The following NLGN1 variants were observed in gnomAD, a reference collection of about 807,000 sequenced individuals.
NLGN1 encodes the protein neuroligin 1.
Under a neutral mutation model 65.5 loss-of-function variants are expected in NLGN1, and 12 were observed. The observed-to-expected ratio is 0.18, with a 90% confidence interval of 0.12 to 0.30. NLGN1 has a LOEUF of 0.30. Ranked by LOEUF, NLGN1 falls within the 10% of genes least tolerant of loss-of-function variation. The pLI, the probability that NLGN1 is intolerant of heterozygous loss-of-function variation, is 1.00. For synonymous variants in NLGN1, 350 were observed against 359.5 expected (o/e 0.97, Z 0.30); for missense variants, 750 against 1,007.1 (o/e 0.74, Z 3.46).
intron 3 of NLGN1, among the ~76,000 whole-genome samples, chr3:173,711,033 T>C (rs990556351): frequency 2.0e-5 from 3 of 152,096 alleles, no homozygotes; most frequent in African/African-American, 7.2e-5. Flanking sequence ...TTATTACACA[T>C]ATTTATTTAT....
chr3:173,722,445 G>T (rs1236613341), intron 3 of NLGN1, among the ~76,000 whole-genome samples: 1 of 152,012 alleles, frequency 6.6e-6, no homozygotes, highest in Non-Finnish European at 1.5e-5. Flanking sequence ...GTTTCACCAT[G>T]TTGGCCAGCT....
intron 4 of NLGN1, 52 bp downstream of exon 4, chr3:173,807,884 G>A: frequency 1.3e-6 from 2 of 1,564,622 alleles, no homozygotes; most frequent in Non-Finnish European, 1.8e-6. Flanking sequence ...AGTATGTGAT[G>A]GTTTTGTTTT....
chr3:173,587,421 T>C (rs1384100380), intron 2 of NLGN1, among the ~76,000 whole-genome samples: 1 of 152,126 alleles, frequency 6.6e-6, no homozygotes, highest in Non-Finnish European at 1.5e-5. Flanking sequence ...TATACAAAAC[T>C]ACACACCAAA....
intron 2 of NLGN1, among the ~76,000 whole-genome samples, chr3:173,586,387 C>T (rs1347029837): frequency 6.6e-6 from 1 of 152,152 alleles, no homozygotes; most frequent in African/African-American, 2.4e-5. Flanking sequence ...GAAGCACACT[C>T]ATTCTCTAGT....
rs554245713 is a variant in NLGN1, at chr3:173,921,555, T to A, written c.646+113723T>A. Among the ~76,000 whole-genome samples the A allele has an allele frequency of 2.6e-5, 4 of 152,052 alleles. No homozygotes were observed. The South Asian group carries it at 8.3e-4, about 32-fold the overall frequency. On this transcript the variant is annotated intron_variant, in intron 4 of 6. Coordinates refer to ENST00000457714, the Ensembl canonical transcript of NLGN1. ...CTCAAATTTAATTAAATTTATTAAT[T>A]TAACTTTTTATTTCAGTTAAGAGAT...
intron 3 of NLGN1, among the ~76,000 whole-genome samples, chr3:173,784,963 T>C (rs1353572375): frequency 6.6e-6 from 1 of 152,070 alleles, no homozygotes; most frequent in Non-Finnish European, 1.5e-5. Context: ...GAATGAAACA[T>C]GTTAAACTAG....
intron 3 of NLGN1, among the ~76,000 whole-genome samples, chr3:173,785,666 A>G (rs1315355486): frequency 6.8e-6 from 1 of 147,912 alleles, no homozygotes; most frequent in Non-Finnish European, 1.5e-5. Context: ...ACATATGCAT[A>G]GTTGAGTTTA....
At chr3:174,162,147 A>T (rs1002580451) in intron 4 of NLGN1, among the ~76,000 whole-genome samples, 1 of 151,896 alleles carries the variant, frequency 6.6e-6, no homozygotes, top group African/African-American at 2.4e-5. Context: ...TTCTGTACTC[A>T]TGTGTGTTAG....
intron 3 of NLGN1, among the ~76,000 whole-genome samples, chr3:173,650,910 C>T (rs919732475): frequency 4.6e-5 from 7 of 151,408 alleles, no homozygotes; most frequent in African/African-American, 1.5e-4. Flanking sequence ...GATTTTCTAA[C>T]TCCTTGCCTG....
At chr3:173,686,948 G>A (rs547558363) in intron 3 of NLGN1, among the ~76,000 whole-genome samples, 3 of 151,424 alleles carry the variant, frequency 2.0e-5, no homozygotes, top group South Asian at 2.1e-4. Flanking sequence ...GCAAGACTCC[G>A]TCCCAAAGAC....
intron 4 of NLGN1, among the ~76,000 whole-genome samples, chr3:174,171,789 G>A (rs771305693): frequency 3.3e-5 from 5 of 151,916 alleles, no homozygotes; most frequent in Non-Finnish European, 7.4e-5. Flanking sequence ...CCTTTTCCTC[G>A]TCACCAATTT....
At chr3:174,215,765 A>AAGGGC (rs1737477972) in intron 4 of NLGN1, among the ~76,000 whole-genome samples, 1 of 152,196 alleles carries the variant, frequency 6.6e-6, no homozygotes, top group South Asian at 2.1e-4. Flanking sequence ...AATCTAACAG[A>AAGGGC]AGGGCAGTGT....
chr3:174,164,338 C>G (rs113400211), intron 4 of NLGN1, among the ~76,000 whole-genome samples: 7 of 151,962 alleles, frequency 4.6e-5, no homozygotes, highest in Non-Finnish European at 1.5e-5. Context: ...AGACCTTTGT[C>G]AGATGCATAG....
intron 4 of NLGN1, among the ~76,000 whole-genome samples, chr3:174,075,705 CTTATG>C (rs1034794180): frequency 2.6e-5 from 4 of 152,006 alleles, no homozygotes; most frequent in African/African-American, 9.7e-5. Flanking sequence ...ATTCCAGATA[CTTATG>C]TTTCATCATT....
At chr3:174,272,573 C>A (rs1577729929) in intron 4 of NLGN1, among the ~76,000 whole-genome samples, 1 of 151,536 alleles carries the variant, frequency 6.6e-6, no homozygotes, top group Non-Finnish European at 1.5e-5. Flanking sequence ...CAGCTGCTAT[C>A]AGTTTTTCCT....
chr3:173,813,613 A>G (rs1299281037), intron 4 of NLGN1, among the ~76,000 whole-genome samples: 3 of 152,234 alleles, frequency 2.0e-5, no homozygotes, highest in Non-Finnish European at 4.4e-5. Flanking sequence ...ATTTGTGACA[A>G]TGCACACAAA....
In NLGN1 at chr3:173,540,173, G is replaced by T. The variant is rs373725162; in HGVS notation, c.-320-64106G>T. ...CTTTACTCCCAAACCCTAAAGGCCT[G>T]TGCTGAGATTCCCTTATAGGGACCA... is the stretch of plus-strand genomic sequence containing the variant. On this transcript the variant is annotated intron_variant, in intron 2 of 6. Coordinates refer to ENST00000457714, the Ensembl canonical transcript of NLGN1. Among the ~76,000 whole-genome samples the T allele has an allele frequency of 3.3e-5, 5 of 152,104 alleles. No homozygotes were observed. In the East Asian group the frequency reaches 9.6e-4, roughly 29 times the overall value.
At chr3:173,784,921 CAAAGT>C (rs1781722080) in intron 3 of NLGN1, among the ~76,000 whole-genome samples, 1 of 152,064 alleles carries the variant, frequency 6.6e-6, no homozygotes, top group Admixed American at 6.5e-5. Context: ...ACACAGAAAA[CAAAGT>C]GAATGATATG....
chr3:174,281,469 TA>T, exon 7 of NLGN1: 1 of 533,234 alleles, frequency 1.9e-6, no homozygotes, highest in Non-Finnish European at 3.3e-6. Context: ...ATTGTATATA[TA>T]CAAATCAACT....
Sources: allele counts gnomAD v4.1 joint callset (sites outside exome capture counted in the v4.1 genomes callset), GRCh38; gene constraint gnomAD v4.1.1; transcripts MANE v1.5; gene names NCBI Gene and HGNC (gene_info 2026-07-23, HGNC 2026-07-21).